The following ITSN1 variants were observed in gnomAD, a reference collection of about 807,000 sequenced individuals.
ITSN1 encodes intersectin-1.
Under a neutral mutation model 239.8 loss-of-function variants are expected in ITSN1, and 58 were observed. The observed-to-expected ratio is 0.24, with a 90% confidence interval of 0.20 to 0.30. The LOEUF is 0.30. Among genes scored for constraint, ITSN1 ranks in the 10% least tolerant of loss-of-function variants. The pLI is 1.00. For synonymous variants in ITSN1, 780 were observed against 770.8 expected (o/e 1.01, Z -0.20); for missense variants, 1,558 against 2,103.3 (o/e 0.74, Z 5.07).
chr21:33,809,814 A>C (rs939297695), intron 20 of ITSN1, among the ~76,000 whole-genome samples: 13 of 152,102 alleles, frequency 8.5e-5, no homozygotes, highest in Admixed American at 5.9e-4. Context: ...TTTTTTTGAG[A>C]CGGAGTTTCA....
chr21:33,679,483 A>C (rs1015294517), intron 1 of ITSN1, among the ~76,000 whole-genome samples: 2 of 152,178 alleles, frequency 1.3e-5, no homozygotes, highest in Non-Finnish European at 2.9e-5. Context: ...ATTGCTTTCT[A>C]CATTTTAATC....
At chr21:33,883,417 G>A in intron 35 of ITSN1, 133 bp from the exon 36 acceptor site, 1 of 1,204,974 alleles carries the variant, frequency 8.3e-7, no homozygotes, top group Non-Finnish European at 1.2e-6. Flanking sequence ...ACACGCACGA[G>A]TGTGCACACA....
At chr21:33,836,785 C>A (rs2074626643) in intron 29 of ITSN1, 153 bp downstream of exon 29, 1 of 753,536 alleles carries the variant, frequency 1.3e-6, no homozygotes, top group Non-Finnish European at 2.2e-6. Flanking sequence ...TTCTGTAATG[C>A]AAGAGTTTAT....
Position 33,888,982 on chromosome 21 carries a change from T to C in ITSN1, c.*682T>C, listed in dbSNP as rs1986163134. 1 of 152,226 alleles carries C rather than the reference T, an allele frequency of 6.6e-6. No individual in the cohort carries two copies. The highest frequency in any genetic ancestry group is 2.4e-5 in the African/African-American group (1 of 41,460). The allele number at this position is 152,226 out of a possible 1,614,324, so 9.4% of individuals were successfully genotyped here. A position where few individuals can be genotyped will look rare whatever the true frequency, so the allele number is the denominator to read the frequency against. ...TGTCAATGAAAACACACTGGTGTAT[T>C]GTTGCGTGGATTCAGTTCTGATTCC... On this transcript the variant is annotated 3_prime_UTR_variant, in exon 40 of 40. Transcript: ENST00000381318.
intron 5 of ITSN1, among the ~76,000 whole-genome samples, chr21:33,743,945 C>T (rs1025729351): frequency 1.2e-4 from 18 of 152,286 alleles, no homozygotes; most frequent in South Asian, 6.2e-4. Flanking sequence ...TATAAGGCTT[C>T]GGGGTATATT....
intron 20 of ITSN1, among the ~76,000 whole-genome samples, chr21:33,804,816 C>T (rs2072283976): frequency 6.6e-6 from 1 of 152,120 alleles, no homozygotes; most frequent in African/African-American, 2.4e-5. Context: ...TTAGGCTGCA[C>T]ATAAAATACA....
rs1232994725 is a variant in ITSN1, at chr21:33,834,420, G to A, written c.3465G>A (p.Ala1155=). 1.5e-5 allele frequency: 24 copies of A among 1,606,890 alleles called. No individual in the cohort carries two copies. Among genetic ancestry groups the A allele is most frequent in the South Asian group, 2.2e-5 (2 of 90,436 alleles). The change falls in exon 28 of 40, where the codon GCG becomes GCA. Residue 1155 remains alanine (A), a synonymous_variant. Transcript: ENST00000381318. ...PTEPPKSTAL[A]AVCQVIGMYD... is the part of the protein sequence containing the mutation. ...AGCCACCTAAGTCAACAGCATTAGC[G>A]GCAGGTAAGGAGTTTCGCATCTCTA...
chr21:33,655,532 C>T (rs982884143), intron 1 of ITSN1, among the ~76,000 whole-genome samples: 1 of 151,948 alleles, frequency 6.6e-6, no homozygotes, highest in Non-Finnish European at 1.5e-5. Flanking sequence ...ACAATCCCCC[C>T]ACCTCAGCCC....
intron 1 of ITSN1, among the ~76,000 whole-genome samples, chr21:33,684,340 A>T (rs923291432): frequency 6.6e-6 from 1 of 152,192 alleles, no homozygotes; most frequent in African/African-American, 2.4e-5. Context: ...GTACCGATTC[A>T]CACTAAAAGA....
At chr21:33,748,779 C>T (rs944543125) in intron 5 of ITSN1, among the ~76,000 whole-genome samples, 3 of 151,850 alleles carry the variant, frequency 2.0e-5, no homozygotes, top group Admixed American at 6.6e-5. Context: ...CTGGGACGAT[C>T]GCTTGAGCCC....
At chr21:33,843,188 G>C (rs535277302) in intron 29 of ITSN1, among the ~76,000 whole-genome samples, 1 of 152,182 alleles carries the variant, frequency 6.6e-6, no homozygotes, top group African/African-American at 2.4e-5. Flanking sequence ...ACAAGTCCTC[G>C]TTCTAGGCGT....
intron 34 of ITSN1, among the ~76,000 whole-genome samples, chr21:33,880,756 C>G (rs940786469): frequency 6.6e-6 from 1 of 152,174 alleles, no homozygotes; most frequent in East Asian, 1.9e-4. Context: ...AGCTCCGGAG[C>G]GCCCCCCAGG....
intron 29 of ITSN1, among the ~76,000 whole-genome samples, chr21:33,839,117 A>G (rs191935320): frequency 6.6e-6 from 1 of 152,334 alleles, no homozygotes; most frequent in African/African-American, 2.4e-5. Context: ...GGGGATGTCT[A>G]CCATGAGTTG....
chr21:33,872,713 G>A (rs1191237097), intron 33 of ITSN1, among the ~76,000 whole-genome samples: 6 of 152,104 alleles, frequency 3.9e-5, no homozygotes, highest in African/African-American at 1.2e-4. Flanking sequence ...TGTGTTTTTA[G>A]TGGAGACGGG....
intron 8 of ITSN1, chr21:33,756,842 C>G (rs2067956764): frequency 6.6e-6 from 1 of 152,258 alleles, no homozygotes; most frequent in Non-Finnish European, 1.5e-5. Flanking sequence ...TCTCAGCTCA[C>G]TGCAATCTCC....
At chr21:33,678,669 A>G (rs1296304933) in intron 1 of ITSN1, among the ~76,000 whole-genome samples, 1 of 152,162 alleles carries the variant, frequency 6.6e-6, no homozygotes, top group African/African-American at 2.4e-5. Flanking sequence ...ATGAGGATTT[A>G]TTCTAAGGAT....
chr21:33,826,849 T>C lies in ITSN1; in HGVS notation c.3215T>C (p.Leu1072Ser), dbSNP rs1315885012. ...GSGTAGKTGS[L>S]GKKPEIAQVI... ...GGAACTGCTGGGAAAACAGGGAGTT[T>C]AGGAAAAAAACCTGGTAAGTTACAA... The change falls in exon 26 of 40, where the codon TTA (leucine) becomes TCA (serine). Residue 1072 changes from leucine (L) to serine (S), a missense_variant. Transcript: ENST00000381318. The C allele has an allele frequency of 1.2e-6, 2 of 1,613,776 alleles. No individual in the cohort carries two copies. The highest frequency in any genetic ancestry group is 1.1e-5 in the South Asian group (1 of 91,076).
At chr21:33,730,331 T>C (rs2066093413) in intron 4 of ITSN1, among the ~76,000 whole-genome samples, 1 of 151,780 alleles carries the variant, frequency 6.6e-6, no homozygotes, top group African/African-American at 2.4e-5. Context: ...GTATTCATAT[T>C]TAAATTACTT....
rs759470107 is a variant in ITSN1, at chr21:33,892,790, G to A, written c.*4490G>A. 6.6e-6 allele frequency: 1 copy of A among 152,208 alleles called. No homozygotes were observed. Among genetic ancestry groups the A allele is most frequent in the Non-Finnish European group, 1.5e-5 (1 of 68,082 alleles). 9.4% of individuals were successfully genotyped at this position (152,208 alleles called of 1,614,324 possible). On this transcript the variant is annotated 3_prime_UTR_variant, in exon 40 of 40. Transcript: ENST00000381318. ...CTTTCTTTTTTTCCCCAGCTACAGT[G>A]TAATTGCCTACCTGCCTGGGCCCCT... is the stretch of plus-strand genomic sequence containing the variant.
Sources: gnomAD v4.1 joint callset for allele counts (sites outside exome capture counted in the v4.1 genomes callset) on GRCh38, gnomAD v4.1.1 for gene constraint, MANE v1.5 for transcripts, NCBI Gene and HGNC (gene_info 2026-07-23, HGNC 2026-07-21) for gene names.